Variants in GRIN2B observed in about 807,000 individuals in gnomAD.
GRIN2B encodes the protein glutamate receptor ionotropic, NMDA 2B.
In GRIN2B, 5 loss-of-function variants were observed where a neutral mutation model predicts 114.5. That is an observed-to-expected ratio of 0.04 (90% CI 0.02 to 0.09). The LOEUF (loss-of-function observed/expected upper bound fraction) is 0.09, where lower values mean the gene tolerates loss of function less well. Ranked by LOEUF, GRIN2B falls within the 10% of genes least tolerant of loss-of-function variation. The pLI is 1.00. For synonymous variants in GRIN2B, 787 were observed against 745.1 expected (o/e 1.06, Z -0.92); for missense variants, 1,108 against 1,943.5 (o/e 0.57, Z 8.08).
chr12:13,616,795 G>A, intron 5 of GRIN2B, 138 bp from the exon 6 acceptor site: 1 of 727,098 alleles, frequency 1.4e-6, no homozygotes. Flanking sequence ...ACTAGAGATA[G>A]GAATACTTTT....
intron 10 of GRIN2B, among the ~76,000 whole-genome samples, chr12:13,601,832 A>T (rs750735622): frequency 1.3e-5 from 2 of 152,186 alleles, no homozygotes; most frequent in Admixed American, 6.5e-5. Flanking sequence ...CCCACTACTA[A>T]GCCACAGGAT....
At chr12:13,630,270 A>G (rs1347905017) in intron 5 of GRIN2B, among the ~76,000 whole-genome samples, 3 of 152,222 alleles carry the variant, frequency 2.0e-5, no homozygotes, top group Non-Finnish European at 4.4e-5. Context: ...GGTGATGCTG[A>G]GCAAAACACA....
chr12:13,814,633 G>T (rs1461784613), intron 3 of GRIN2B, among the ~76,000 whole-genome samples: 1 of 152,150 alleles, frequency 6.6e-6, no homozygotes. Context: ...TTATGGACAT[G>T]AACAGCCTTG....
chr12:13,980,826 GCTT>G (rs1863119886), intron 1 of GRIN2B, among the ~76,000 whole-genome samples: 1 of 152,196 alleles, frequency 6.6e-6, no homozygotes, highest in African/African-American at 2.4e-5. Flanking sequence ...CCCACCCCGG[GCTT>G]GTGCTGAATG....
At chr12:13,593,770 C>A (rs988383321) in intron 10 of GRIN2B, among the ~76,000 whole-genome samples, 1 of 152,142 alleles carries the variant, frequency 6.6e-6, no homozygotes, top group Non-Finnish European at 1.5e-5. Context: ...AAAATTTTGG[C>A]AATCTGTCCA....
intron 2 of GRIN2B, among the ~76,000 whole-genome samples, chr12:13,937,732 G>A (rs1867154597): frequency 6.6e-6 from 1 of 152,076 alleles, no homozygotes; most frequent in Non-Finnish European, 1.5e-5. Context: ...ATAATTTACA[G>A]AAGATAACAC....
chr12:13,957,291 T>C (rs1362576022), intron 2 of GRIN2B, among the ~76,000 whole-genome samples: 2 of 152,184 alleles, frequency 1.3e-5, no homozygotes, highest in East Asian at 3.9e-4. Flanking sequence ...ATGCAGGATA[T>C]GGGAAGAAAG....
intron 2 of GRIN2B, among the ~76,000 whole-genome samples, chr12:13,890,946 G>A (rs902562753): frequency 2.0e-5 from 3 of 152,172 alleles, no homozygotes; most frequent in African/African-American, 7.2e-5. Flanking sequence ...TTCCTCTGCA[G>A]ATGAGGCCTC....
intron 4 of GRIN2B, among the ~76,000 whole-genome samples, chr12:13,724,000 G>C (rs963348990): frequency 1.3e-5 from 2 of 152,122 alleles, no homozygotes; most frequent in African/African-American, 2.4e-5. Flanking sequence ...AATGGGACCT[G>C]GAGACCCACG....
At chr12:13,856,052 C>T (rs61398500) in intron 3 of GRIN2B, among the ~76,000 whole-genome samples, 36,046 of 152,000 alleles carry the variant, frequency 0.24, 4,386 homozygotes, top group South Asian at 0.31. Context: ...GCACAGGTGA[C>T]GCACAAGAAA....
chr12:13,969,676 C>G (rs1300944376), intron 2 of GRIN2B, among the ~76,000 whole-genome samples: 1 of 152,200 alleles, frequency 6.6e-6, no homozygotes, highest in Non-Finnish European at 1.5e-5. Context: ...TTACATAATT[C>G]CAGGACCTTC....
At chr12:13,662,502 T>C (rs947174297) in intron 5 of GRIN2B, among the ~76,000 whole-genome samples, 1 of 152,192 alleles carries the variant, frequency 6.6e-6, no homozygotes, top group Non-Finnish European at 1.5e-5. Flanking sequence ...CACCCTGTCT[T>C]ACCACCTTAA....
In GRIN2B at chr12:13,553,693, G is replaced by A. The variant is rs148062497; in HGVS notation, c.*9090C>T. On this transcript the variant is annotated 3_prime_UTR_variant, in exon 14 of 14. Coordinates refer to ENST00000609686, the MANE Select transcript of GRIN2B (RefSeq NM_000834.5). ...AGTGTTAAAAAAGAAGCTAAATATT[G>A]GATCACAGATCAGTCCCAGCATGGA... 2.0e-5 allele frequency: 3 copies of A among 152,258 alleles called. No homozygotes were observed. Among genetic ancestry groups the A allele is most frequent in the African/African-American group, 4.8e-5 (2 of 41,536 alleles). 9.4% of individuals were successfully genotyped at this position (152,258 alleles called of 1,614,324 possible). A position where few individuals can be genotyped will look rare whatever the true frequency, so the allele number is the denominator to read the frequency against.
chr12:13,575,908 C>T (rs938044051), intron 10 of GRIN2B, among the ~76,000 whole-genome samples: 9 of 152,252 alleles, frequency 5.9e-5, no homozygotes, highest in African/African-American at 2.2e-4. Flanking sequence ...ATACCTGGCA[C>T]ATGATGGAGT....
chr12:13,573,392 A>G (rs11055527), intron 10 of GRIN2B, among the ~76,000 whole-genome samples: 14,269 of 149,190 alleles, frequency 0.096, 1,736 homozygotes, highest in East Asian at 0.27. Flanking sequence ...CAGAGCAGGC[A>G]GTGAGCTGAG....
chr12:13,692,033 C>T (rs938785795), intron 4 of GRIN2B, among the ~76,000 whole-genome samples: 2 of 152,104 alleles, frequency 1.3e-5, no homozygotes, highest in African/African-American at 4.8e-5. Context: ...AGGAAGGTCT[C>T]AGGATGACAT....
intron 3 of GRIN2B, among the ~76,000 whole-genome samples, chr12:13,859,109 T>C (rs1004413320): frequency 1.3e-5 from 2 of 152,192 alleles, no homozygotes; most frequent in Non-Finnish European, 2.9e-5. Flanking sequence ...CTGGGTGTTA[T>C]TTTTGTTTTC....
chr12:13,665,982 C>T (rs981926051), intron 5 of GRIN2B, among the ~76,000 whole-genome samples: 5 of 152,086 alleles, frequency 3.3e-5, no homozygotes, highest in Non-Finnish European at 5.9e-5. Context: ...TGAAGAAAAA[C>T]GAGTACATAT....
At chr12:13,935,133 G>A (rs1196785858) in intron 2 of GRIN2B, among the ~76,000 whole-genome samples, 3 of 152,168 alleles carry the variant, frequency 2.0e-5, no homozygotes, top group Admixed American at 6.5e-5. Context: ...ATGTGGAAAC[G>A]TAAGATTAAC....
Sources: allele counts gnomAD v4.1 joint callset (sites outside exome capture counted in the v4.1 genomes callset), GRCh38; gene constraint gnomAD v4.1.1; transcripts MANE v1.5; gene names NCBI Gene and HGNC (gene_info 2026-07-23, HGNC 2026-07-21).